The following GRM8 variants were observed in gnomAD, a reference collection of about 807,000 sequenced individuals.
GRM8 encodes metabotropic glutamate receptor 8.
Under a neutral mutation model 87.2 loss-of-function variants are expected in GRM8, and 47 were observed. The ratio of observed to expected loss-of-function variants is 0.54; its 90% CI spans 0.43 to 0.69. The LOEUF (loss-of-function observed/expected upper bound fraction) is 0.69, where lower values mean the gene tolerates loss of function less well. Ranked by LOEUF, GRM8 falls within the 30% of genes least tolerant of loss-of-function variation. The pLI, the probability that GRM8 is intolerant of heterozygous loss-of-function variation, is 0.00. For synonymous variants in GRM8, 396 were observed against 404.5 expected, an observed-to-expected ratio of 0.98 and a Z score of 0.25; for missense variants, 1,019 against 1,139.2, an observed-to-expected ratio of 0.89 and a Z score of 1.52.
intron 6 of GRM8, among the ~76,000 whole-genome samples, chr7:126,861,090 C>A (rs938650854): frequency 1.3e-5 from 2 of 152,096 alleles, no homozygotes; most frequent in Non-Finnish European, 2.9e-5. Flanking sequence ...TATTCTCCTG[C>A]TGTTAGATCA....
intron 6 of GRM8, among the ~76,000 whole-genome samples, chr7:126,799,271 A>G (rs765834616): frequency 2.6e-5 from 4 of 151,956 alleles, no homozygotes; most frequent in Non-Finnish European, 4.4e-5. Flanking sequence ...GAGAAGTACC[A>G]CTCCAGCATT....
chr7:126,534,547 G>C (rs765567025), intron 8 of GRM8, among the ~76,000 whole-genome samples: 1 of 152,096 alleles, frequency 6.6e-6, no homozygotes, highest in Admixed American at 6.5e-5. Flanking sequence ...TTTACTGAAC[G>C]AAAGTGGCCC....
At chr7:126,830,602 G>A (rs868777043) in intron 6 of GRM8, among the ~76,000 whole-genome samples, 4 of 152,198 alleles carry the variant, frequency 2.6e-5, no homozygotes, top group South Asian at 4.2e-4. Context: ...TTATGCATTC[G>A]TCTTAATTTT....
At chr7:127,099,966 A>G (rs1825062369) in intron 3 of GRM8, among the ~76,000 whole-genome samples, 1 of 152,170 alleles carries the variant, frequency 6.6e-6, no homozygotes, top group African/African-American at 2.4e-5. Flanking sequence ...CACAGAGATA[A>G]ACACAAGAAG....
intron 9 of GRM8, among the ~76,000 whole-genome samples, chr7:126,523,697 C>T (rs1813371942): frequency 1.3e-5 from 2 of 152,018 alleles, no homozygotes; most frequent in Non-Finnish European, 2.9e-5. Flanking sequence ...GCGGTATCGC[C>T]AGGTTGGCCA....
At chr7:127,207,816 T>C (rs1351659587) in intron 2 of GRM8, among the ~76,000 whole-genome samples, 1 of 152,208 alleles carries the variant, frequency 6.6e-6, no homozygotes, top group Non-Finnish European at 1.5e-5. Flanking sequence ...AAATGGACTC[T>C]GTGGCAATAA....
At chr7:126,991,503 T>G (rs1172537844) in intron 3 of GRM8, among the ~76,000 whole-genome samples, 1 of 152,196 alleles carries the variant, frequency 6.6e-6, no homozygotes, top group Non-Finnish European at 1.5e-5. Flanking sequence ...GGGCCTTTTA[T>G]GAAATAGCTT....
intron 3 of GRM8, among the ~76,000 whole-genome samples, chr7:127,079,758 A>G (rs1228696193): frequency 6.6e-6 from 1 of 152,190 alleles, no homozygotes; most frequent in African/African-American, 2.4e-5. Flanking sequence ...CCAGAGCCCA[A>G]CTGGTGAATC....
At chr7:126,683,722 A>C (rs897604933) in intron 7 of GRM8, among the ~76,000 whole-genome samples, 1 of 152,230 alleles carries the variant, frequency 6.6e-6, no homozygotes, top group African/African-American at 2.4e-5. Flanking sequence ...TACATAAACA[A>C]GATATTTTGT....
chr7:126,702,110 GT>G (rs994134944), intron 7 of GRM8, among the ~76,000 whole-genome samples: 1 of 152,176 alleles, frequency 6.6e-6, no homozygotes, highest in African/African-American at 2.4e-5. Context: ...CAACACATTT[GT>G]GCTAGCATTC....
chr7:127,186,738 GT>G (rs1794759421), intron 2 of GRM8, among the ~76,000 whole-genome samples: 2 of 152,170 alleles, frequency 1.3e-5, no homozygotes, highest in Non-Finnish European at 2.9e-5. Context: ...GAGCTTTTCA[GT>G]TGTAATGCAA....
chr7:127,092,033 C>A (rs1402800479), intron 3 of GRM8, among the ~76,000 whole-genome samples: 1 of 122,094 alleles, frequency 8.2e-6, no homozygotes, highest in Non-Finnish European at 1.7e-5. Flanking sequence ...ACTAGTCATC[C>A]CCCCGTCCCA....
intron 7 of GRM8, among the ~76,000 whole-genome samples, chr7:126,667,080 A>G (rs1805852706): frequency 6.6e-6 from 1 of 152,214 alleles, no homozygotes; most frequent in Admixed American, 6.5e-5. Context: ...AATAACAGAT[A>G]ACACAAAAAT....
chr7:127,008,983 A>C (rs1814604768), intron 3 of GRM8, among the ~76,000 whole-genome samples: 1 of 151,926 alleles, frequency 6.6e-6, no homozygotes, highest in Non-Finnish European at 1.5e-5. Flanking sequence ...TAAATCATAC[A>C]CTTCATTTGC....
At chr7:126,593,461 A>T (rs1380906720) in intron 8 of GRM8, among the ~76,000 whole-genome samples, 1 of 151,990 alleles carries the variant, frequency 6.6e-6, no homozygotes, top group Non-Finnish European at 1.5e-5. Flanking sequence ...TTTACAGCAA[A>T]CTGATTCAAC....
chr7:126,799,682 A>G (rs1822419120), intron 6 of GRM8, among the ~76,000 whole-genome samples: 1 of 152,158 alleles, frequency 6.6e-6, no homozygotes, highest in South Asian at 2.1e-4. Context: ...GCACTCAGCT[A>G]TTAGTAACCG....
chr7:126,596,385 G>T (rs750505396), intron 8 of GRM8, among the ~76,000 whole-genome samples: 26 of 152,174 alleles, frequency 1.7e-4, no homozygotes, highest in South Asian at 1.0e-3. Flanking sequence ...TTGTGGTTTT[G>T]ATCTGCATTT....
intron 3 of GRM8, among the ~76,000 whole-genome samples, chr7:127,102,708 G>T (rs1825413180): frequency 6.6e-6 from 1 of 152,200 alleles, no homozygotes; most frequent in Non-Finnish European, 1.5e-5. Flanking sequence ...GTATGGAAAA[G>T]CCTGGGCACC....
At chr7:126,900,055 C>A (rs984680662) in intron 6 of GRM8, among the ~76,000 whole-genome samples, 1 of 152,122 alleles carries the variant, frequency 6.6e-6, no homozygotes, top group African/African-American at 2.4e-5. Flanking sequence ...CTGGTTCCTG[C>A]CCTTGAATTC....
Sources: allele counts gnomAD v4.1 joint callset (sites outside exome capture counted in the v4.1 genomes callset), GRCh38; gene constraint gnomAD v4.1.1; transcripts MANE v1.5; gene names NCBI Gene and HGNC (gene_info 2026-07-23, HGNC 2026-07-21).